Variants in MIA2 observed in about 807,000 individuals in gnomAD.
MIA2 encodes the protein MIA SH3 domain ER export factor 2.
A neutral mutation model predicts 167.8 loss-of-function variants in MIA2; 127 were observed. The ratio of observed to expected loss-of-function variants is 0.76; its 90% confidence interval spans 0.66 to 0.88. The LOEUF is 0.88. Among genes scored for constraint, MIA2 ranks in the 40% least tolerant of loss-of-function variants. The probability of loss-of-function intolerance (pLI) is 0.00; values close to 1 mark genes in which losing one functional copy is unlikely to be tolerated. For synonymous variants in MIA2, 552 were observed against 541.9 expected, an observed-to-expected ratio of 1.02 and a Z score of -0.26; for missense variants, 1,690 against 1,624.7, an observed-to-expected ratio of 1.04 and a Z score of -0.69.
At chr14:39,360,104 C>G (rs1409226548) in intron 23 of MIA2, among the ~76,000 whole-genome samples, 1 of 151,502 alleles carries the variant, frequency 6.6e-6, no homozygotes, top group African/African-American at 2.4e-5. Flanking sequence ...GAGTTGGAGA[C>G]CAGCATGGCC....
At chr14:39,238,603 T>C (rs1429465826) in intron 2 of MIA2, among the ~76,000 whole-genome samples, 2 of 151,866 alleles carry the variant, frequency 1.3e-5, no homozygotes, top group Non-Finnish European at 1.5e-5. Context: ...GAGACCAGCT[T>C]GGACAACATG....
chr14:39,277,688 G>A (rs534443763), intron 7 of MIA2, among the ~76,000 whole-genome samples: 599 of 7,658 alleles, frequency 0.078, 157 homozygotes, highest in Non-Finnish European at 0.21. Context: ...ATATATATAT[G>A]TGTGTATATA....
At chr14:39,332,264 A>T (rs1016148736) in intron 25 of MIA2, among the ~76,000 whole-genome samples, 1 of 152,048 alleles carries the variant, frequency 6.6e-6, no homozygotes, top group African/African-American at 2.4e-5. Flanking sequence ...TGCTTCATGA[A>T]GTTCTCGTGT....
chr14:39,267,084 G>C (rs962033113), intron 6 of MIA2: 3 of 1,101,364 alleles, frequency 2.7e-6, no homozygotes, highest in Non-Finnish European at 3.3e-6. Context: ...GGACACGTCT[G>C]CGAAGCTTGC....
At chr14:39,270,073 C>T (rs975253423) in intron 6 of MIA2, among the ~76,000 whole-genome samples, 2 of 152,112 alleles carry the variant, frequency 1.3e-5, no homozygotes, top group African/African-American at 4.8e-5. Context: ...ATTTTACATC[C>T]CCACCAGCAG....
At chr14:39,353,766 C>A (rs2074452400), downstream of MIA2, among the ~76,000 whole-genome samples, 2 of 152,126 alleles carry the variant, frequency 1.3e-5, no homozygotes, top group Non-Finnish European at 2.9e-5. Flanking sequence ...TTCCTGTGTC[C>A]AAGTGTTCTC....
chr14:39,248,080 T>C lies in MIA2; in HGVS notation c.1506T>C (p.Ile502=), dbSNP rs779013778. 1.3e-6 allele frequency: 2 copies of C among 1,564,636 alleles called. No individual in the cohort carries two copies. Among genetic ancestry groups the C allele is most frequent in the East Asian group, 4.6e-5 (2 of 43,934 alleles). Residue 502 remains isoleucine (I), a synonymous_variant, in exon 4 of 29, where the codon ATT becomes ATC. Transcript: ENST00000640607. ...IENEETGEFS[I]DNYPTDNTKV... ...ATGAAGAAACTGGAGAATTTTCCAT[T>C]GATAATTATCCCACAGATAATACAA...
At chr14:39,308,788 C>A (rs1161083779) in intron 18 of MIA2, among the ~76,000 whole-genome samples, 1 of 152,054 alleles carries the variant, frequency 6.6e-6, no homozygotes, top group Non-Finnish European at 1.5e-5. Context: ...GTTGGAATTT[C>A]CAAGCTAGTT....
At chr14:39,296,893 A>C (rs2061501822) in intron 13 of MIA2, among the ~76,000 whole-genome samples, 1 of 151,448 alleles carries the variant, frequency 6.6e-6, no homozygotes, top group Admixed American at 6.6e-5. Context: ...CTCGTGCCTC[A>C]GCCTCCCGAG....
At chr14:39,237,417 C>T (rs549681160) in intron 2 of MIA2, 36 of 267,078 alleles carry the variant, frequency 1.3e-4, no homozygotes, top group South Asian at 1.0e-3. Flanking sequence ...TGTGAGCCAC[C>T]GCACCCGCCC....
chr14:39,240,489 C>A (rs1320024847), intron 2 of MIA2, 72 bp from the exon 3 acceptor site: 2 of 1,188,966 alleles, frequency 1.7e-6, no homozygotes, highest in Non-Finnish European at 2.5e-6. Context: ...GGACATGGGA[C>A]AAAATTAGGT....
chr14:39,386,890 C>T (rs573552580), exon 24 of MIA2: 14 of 806,930 alleles, frequency 1.7e-5, no homozygotes, highest in South Asian at 1.1e-4. Flanking sequence ...ACCAGGCGCA[C>T]GCTCTCCGCC....
chr14:39,381,025 A>AC (rs200581648), intron 23 of MIA2, among the ~76,000 whole-genome samples: 687 of 145,780 alleles, frequency 4.7e-3, no homozygotes, highest in African/African-American at 0.017. Flanking sequence ...AAAAAAACAA[A>AC]AAAAAAAAAA....
chr14:39,346,620 A>AT (rs1291956206), intron 26 of MIA2, among the ~76,000 whole-genome samples: 1 of 150,294 alleles, frequency 6.7e-6, no homozygotes, highest in Non-Finnish European at 1.5e-5. Context: ...ATTTAAATGT[A>AT]TTGGTAAAAG....
chr14:39,386,673 T>TTC (rs2075277020), intron 23 of MIA2: 10 of 1,112,436 alleles, frequency 9.0e-6, no homozygotes, highest in Admixed American at 3.5e-5. Flanking sequence ...ATCAAAGACC[T>TTC]TCTCATTATT....
chr14:39,247,085 A>C lies in MIA2; in HGVS notation c.511A>C (p.Ser171Arg). ...IEPGFYATYE[S>R]TLFEDQVPAL... ...ACCTGGATTTTATGCAACTTATGAA[A>C]GTACTTTGTTTGAAGACCAAGTTCC... Residue 171 changes from serine (S) to arginine (R), a missense_variant, in exon 4 of 29, where the codon AGT becomes CGT. By Grantham distance (110) the Ser-to-Arg change is moderately radical. Transcript: ENST00000640607. 2 of 1,607,672 alleles carry C rather than the reference A, an allele frequency of 1.2e-6. No homozygotes were observed. Among genetic ancestry groups the C allele is most frequent in the Non-Finnish European group, 1.7e-6 (2 of 1,178,456 alleles).
rs1566747188 is a variant in MIA2, at chr14:39,288,453, A to ATTTTT, written c.2131-2565_2131-2564insTTTTT. Among the ~76,000 whole-genome samples, 21 of 13,802 alleles carry ATTTTT rather than the reference A, an allele frequency of 1.5e-3. 4 individuals are homozygous for ATTTTT. Among genetic ancestry groups the ATTTTT allele is most frequent in the African/African-American group, 3.4e-3 (17 of 5,074 alleles). 9.1% of individuals were successfully genotyped at this position (13,802 alleles called of 152,430 possible). A position where few individuals can be genotyped will look rare whatever the true frequency, so the allele number is the denominator to read the frequency against. On this transcript the variant is annotated intron_variant, in intron 9 of 28. Coordinates refer to ENST00000640607, the MANE Select transcript of MIA2 (RefSeq NM_001329214.4). ...TATACATATATATATATATATATAT[A>ATTTTT]TATATATATATATATATATATATTT...
At chr14:39,243,761 G>A (rs2054167182) in intron 3 of MIA2, among the ~76,000 whole-genome samples, 1 of 152,196 alleles carries the variant, frequency 6.6e-6, no homozygotes, top group Non-Finnish European at 1.5e-5. Flanking sequence ...AGCTACTTGG[G>A]AGGCTGAGAC....
At chr14:39,305,295 T>C (rs1392166652) in intron 17 of MIA2, among the ~76,000 whole-genome samples, 3 of 152,180 alleles carry the variant, frequency 2.0e-5, no homozygotes, top group African/African-American at 7.2e-5. Context: ...CTAAAAACTA[T>C]GGGAGATATA....
Sources: allele counts gnomAD v4.1 joint callset (sites outside exome capture counted in the v4.1 genomes callset), GRCh38; gene constraint gnomAD v4.1.1; transcripts MANE v1.5; gene names NCBI Gene and HGNC (gene_info 2026-07-23, HGNC 2026-07-21).